MAPK8: variants seen among roughly 807,000 people sequenced by gnomAD.
The protein encoded by MAPK8 is mitogen-activated protein kinase 8, also known as JUN N-terminal kinase.
A neutral mutation model predicts 52.9 loss-of-function variants in MAPK8; 13 were observed. The observed-to-expected ratio is 0.25, with a 90% CI of 0.16 to 0.39. The LOEUF (loss-of-function observed/expected upper bound fraction) is 0.39, where lower values mean the gene tolerates loss of function less well. Among genes scored for constraint, MAPK8 ranks in the 10% least tolerant of loss-of-function variants. The pLI is 1.00. For missense variants in MAPK8, 300 were observed against 519.2 expected (o/e 0.58, Z 4.10); for synonymous variants, 191 against 169.8 (o/e 1.12, Z -0.97).
chr10:48,328,063 C>T (rs1308164258), intron 1 of MAPK8, among the ~76,000 whole-genome samples: 1 of 152,140 alleles, frequency 6.6e-6, no homozygotes, highest in Non-Finnish European at 1.5e-5. Context: ...GTCACCCAGG[C>T]TGGAATGCAG....
intron 1 of MAPK8, among the ~76,000 whole-genome samples, chr10:48,358,430 C>G (rs1176839000): frequency 2.0e-5 from 3 of 152,106 alleles, no homozygotes; most frequent in African/African-American, 7.2e-5. Context: ...TGTTGAACAT[C>G]TTGTAACATA....
At chr10:48,424,305 A>G (rs1466808522) in intron 7 of MAPK8, 146 bp downstream of exon 7, 2 of 802,894 alleles carry the variant, frequency 2.5e-6, no homozygotes, top group South Asian at 1.9e-5. Flanking sequence ...AATTGTTGAG[A>G]TAAGAAGCTG....
intron 10 of MAPK8, chr10:48,430,836 CA>C (rs1221160128): frequency 1.2e-5 from 3 of 253,060 alleles, no homozygotes; most frequent in Non-Finnish European, 2.2e-5. Flanking sequence ...ACACGTGGTT[CA>C]AGCCCTCCCT....
At chr10:48,399,803 G>A (rs1260298847) in intron 1 of MAPK8, among the ~76,000 whole-genome samples, 1 of 152,192 alleles carries the variant, frequency 6.6e-6, no homozygotes. Flanking sequence ...CTCCAAGTAA[G>A]GTTAGGAATC....
intron 1 of MAPK8, among the ~76,000 whole-genome samples, chr10:48,338,240 A>G (rs1844887542): frequency 6.6e-6 from 1 of 152,122 alleles, no homozygotes; most frequent in Non-Finnish European, 1.5e-5. Flanking sequence ...AGCAGCACAT[A>G]AAAAAGATAA....
intron 1 of MAPK8, among the ~76,000 whole-genome samples, chr10:48,366,974 A>G (rs1201594501): frequency 1.3e-5 from 2 of 152,190 alleles, no homozygotes; most frequent in African/African-American, 4.8e-5. Context: ...TAACTGAATG[A>G]CTAGAAGGTG....
chr10:48,385,638 T>C (rs1464641658), intron 1 of MAPK8, among the ~76,000 whole-genome samples: 1 of 152,186 alleles, frequency 6.6e-6, no homozygotes, highest in Non-Finnish European at 1.5e-5. Context: ...AGCCAGGCTT[T>C]AGGCCTTATC....
chr10:48,433,753 C>T (rs920705692), intron 11 of MAPK8, among the ~76,000 whole-genome samples: 13 of 152,146 alleles, frequency 8.5e-5, no homozygotes, highest in Admixed American at 3.3e-4. Flanking sequence ...TTTCATTGCT[C>T]ATCTGGACAG....
intron 10 of MAPK8, among the ~76,000 whole-genome samples, chr10:48,428,900 A>G (rs925620116): frequency 6.6e-6 from 1 of 151,182 alleles, no homozygotes; most frequent in Admixed American, 6.6e-5. Flanking sequence ...GGCTCACTGC[A>G]GCATCAAAAC....
intron 1 of MAPK8, among the ~76,000 whole-genome samples, chr10:48,347,886 G>T (rs1048475718): frequency 1.3e-4 from 20 of 152,336 alleles, no homozygotes; most frequent in African/African-American, 4.6e-4. Flanking sequence ...ATAGTAGAAT[G>T]ATTTATAAGC....
At chr10:48,391,615 C>T (rs1263199369) in intron 1 of MAPK8, among the ~76,000 whole-genome samples, 1 of 152,112 alleles carries the variant, frequency 6.6e-6, no homozygotes, top group Non-Finnish European at 1.5e-5. Context: ...GGGGAGTTCC[C>T]CACACACCAA....
intron 1 of MAPK8, among the ~76,000 whole-genome samples, chr10:48,384,367 G>A (rs1437193927): frequency 6.6e-6 from 1 of 152,232 alleles, no homozygotes; most frequent in Non-Finnish European, 1.5e-5. Context: ...GTGAGGTAAA[G>A]ACCCTTACAA....
chr10:48,384,867 G>A (rs2041217823), intron 1 of MAPK8, among the ~76,000 whole-genome samples: 1 of 152,168 alleles, frequency 6.6e-6, no homozygotes, highest in Non-Finnish European at 1.5e-5. Context: ...AAGAAAATGA[G>A]GCATAGTTAA....
chr10:48,371,305 C>T (rs554496948), intron 1 of MAPK8, among the ~76,000 whole-genome samples: 2 of 152,016 alleles, frequency 1.3e-5, no homozygotes, highest in Non-Finnish European at 2.9e-5. Flanking sequence ...TCATAGTTAT[C>T]GATTATTACT....
At chr10:48,430,973 A>G (rs1376725248) in intron 10 of MAPK8, 2 of 558,806 alleles carry the variant, frequency 3.6e-6, no homozygotes, top group African/African-American at 1.9e-5. Context: ...GAATTACAGG[A>G]AAGATTAGTA....
At chr10:48,364,938 A>C (rs954684820) in intron 1 of MAPK8, among the ~76,000 whole-genome samples, 2 of 152,124 alleles carry the variant, frequency 1.3e-5, no homozygotes, top group Admixed American at 1.3e-4. Flanking sequence ...TATAAAATTG[A>C]TTTTTCCAGA....
chr10:48,334,292 T>G (rs1268887199), intron 1 of MAPK8, among the ~76,000 whole-genome samples: 2 of 152,166 alleles, frequency 1.3e-5, no homozygotes, highest in Admixed American at 1.3e-4. Context: ...TGTCTGAGCT[T>G]TTCCCTGTGT....
At chr10:48,399,334 G>A (rs1244953093) in intron 1 of MAPK8, among the ~76,000 whole-genome samples, 2 of 152,230 alleles carry the variant, frequency 1.3e-5, no homozygotes, top group Non-Finnish European at 2.9e-5. Context: ...GAGTATAAGT[G>A]AGTAGAGAGT....
chr10:48,380,844 A>G (rs902928243), intron 1 of MAPK8, among the ~76,000 whole-genome samples: 3 of 152,256 alleles, frequency 2.0e-5, no homozygotes, highest in African/African-American at 7.2e-5. Context: ...CATTTAAACA[A>G]AGTGATAAGT....
Sources: gnomAD v4.1 joint callset for allele counts (sites outside exome capture counted in the v4.1 genomes callset) on GRCh38, gnomAD v4.1.1 for gene constraint, MANE v1.5 for transcripts, NCBI Gene and HGNC (gene_info 2026-07-23, HGNC 2026-07-21) for gene names.